CALN1: variants seen among roughly 807,000 people sequenced by gnomAD.
CALN1 encodes calneuron 1.
Under a neutral mutation model 30.6 loss-of-function variants are expected in CALN1, and 17 were observed. The ratio of observed to expected loss-of-function variants is 0.56; its 90% CI spans 0.38 to 0.83. CALN1 has a LOEUF of 0.83. Among genes scored for constraint, CALN1 ranks in the 40% least tolerant of loss-of-function variants. CALN1 has a pLI of 0.00. For missense variants in CALN1, 291 were observed against 354.9 expected (o/e 0.82, Z 1.45); for synonymous variants, 156 against 131.4 (o/e 1.19, Z -1.28).
chr7:72,146,576 C>T (rs1786747607), intron 3 of CALN1, among the ~76,000 whole-genome samples: 2 of 152,160 alleles, frequency 1.3e-5, no homozygotes, highest in African/African-American at 4.8e-5. Context: ...CCATCCCCAT[C>T]AAGCTACTAA....
At chr7:71,796,093 G>A (rs910913869) in intron 6 of CALN1, among the ~76,000 whole-genome samples, 2 of 151,890 alleles carry the variant, frequency 1.3e-5, no homozygotes, top group Non-Finnish European at 2.9e-5. Flanking sequence ...CCAAAGTGCT[G>A]GGATTACAGG....
intron 4 of CALN1, among the ~76,000 whole-genome samples, chr7:72,038,269 C>T (rs1801922525): frequency 6.6e-6 from 1 of 152,160 alleles, no homozygotes; most frequent in African/African-American, 2.4e-5. Context: ...CTTTACCCCA[C>T]CCCCAAAGCT....
At chr7:72,000,081 G>A (rs1052976775) in intron 5 of CALN1, among the ~76,000 whole-genome samples, 3 of 151,998 alleles carry the variant, frequency 2.0e-5, no homozygotes, top group African/African-American at 7.2e-5. Flanking sequence ...AGCGTGGAAT[G>A]TCAATCAATA....
upstream of CALN1, chr7:72,447,096 A>C (rs1041946326): frequency 1.2e-5 from 2 of 161,730 alleles, no homozygotes; most frequent in Non-Finnish European, 2.8e-5. Context: ...AGTTAAGGAG[A>C]ATCTCTAAGC....
At chr7:72,340,850 A>G (rs535463796) in intron 2 of CALN1, among the ~76,000 whole-genome samples, 3 of 152,286 alleles carry the variant, frequency 2.0e-5, no homozygotes, top group African/African-American at 7.2e-5. Context: ...TGATGGTTTT[A>G]TAAGGGGAAA....
chr7:72,379,381 T>C (rs1205691377), intron 2 of CALN1, among the ~76,000 whole-genome samples: 1 of 152,246 alleles, frequency 6.6e-6, no homozygotes, highest in African/African-American at 2.4e-5. Context: ...ATCCAATTAA[T>C]GGCAATGGTA....
At chr7:72,117,083 C>A (rs1338607849) in intron 3 of CALN1, among the ~76,000 whole-genome samples, 1 of 151,922 alleles carries the variant, frequency 6.6e-6, no homozygotes, top group East Asian at 1.9e-4. Context: ...GAGGCCAAGA[C>A]AGGAGGATCA....
chr7:72,216,515 G>C (rs1792827587), intron 3 of CALN1, among the ~76,000 whole-genome samples: 2 of 152,112 alleles, frequency 1.3e-5, no homozygotes, highest in South Asian at 4.1e-4. Context: ...GTATCATAGG[G>C]TGCATCCCAA....
intron 2 of CALN1, among the ~76,000 whole-genome samples, chr7:72,395,376 C>CACACACACAT (rs759811191): frequency 6.6e-6 from 1 of 151,890 alleles, no homozygotes. Context: ...CACACACACA[C>CACACACACAT]ATATCCAGGG....
At chr7:71,891,647 A>G (rs942808012) in intron 5 of CALN1, among the ~76,000 whole-genome samples, 1 of 152,234 alleles carries the variant, frequency 6.6e-6, no homozygotes, top group African/African-American at 2.4e-5. Flanking sequence ...TTCCTAGCAT[A>G]TAACAAGTGC....
At chr7:72,227,547 A>G (rs1793774116) in intron 3 of CALN1, among the ~76,000 whole-genome samples, 1 of 33,612 alleles carries the variant, frequency 3.0e-5, no homozygotes, top group Admixed American at 2.6e-4. Context: ...CTCAAAAAAA[A>G]AAGAAAAAAA....
chr7:72,190,748 G>A (rs1245382503), intron 3 of CALN1, among the ~76,000 whole-genome samples: 1 of 152,204 alleles, frequency 6.6e-6, no homozygotes, highest in Non-Finnish European at 1.5e-5. Flanking sequence ...GATGCCTCCT[G>A]GGAGAGGTTA....
At chr7:72,367,545 G>T (rs113147986) in intron 2 of CALN1, among the ~76,000 whole-genome samples, 3 of 152,080 alleles carry the variant, frequency 2.0e-5, no homozygotes, top group African/African-American at 4.8e-5. Flanking sequence ...GGATGGCTTG[G>T]GCACAGTATT....
intron 3 of CALN1, among the ~76,000 whole-genome samples, chr7:72,232,290 T>C (rs1323810267): frequency 6.6e-6 from 1 of 152,156 alleles, no homozygotes; most frequent in Non-Finnish European, 1.5e-5. Context: ...AAGCCAAAAG[T>C]AATCCAGGTC....
intron 3 of CALN1, among the ~76,000 whole-genome samples, chr7:72,184,026 AG>A (rs992779505): frequency 6.6e-6 from 1 of 152,148 alleles, no homozygotes; most frequent in African/African-American, 2.4e-5. Flanking sequence ...CTCAACCAGC[AG>A]GGGGCATCCC....
chr7:71,962,684 G>A (rs1797308744), intron 5 of CALN1, among the ~76,000 whole-genome samples: 1 of 152,164 alleles, frequency 6.6e-6, no homozygotes, highest in African/African-American at 2.4e-5. Context: ...ATTCCACTTT[G>A]GGTGCCGTGA....
chr7:72,413,225 ATATACACT>A (rs1207584895), upstream of CALN1, among the ~76,000 whole-genome samples: 3 of 148,638 alleles, frequency 2.0e-5, no homozygotes, highest in Admixed American at 7.7e-5. Context: ...TCATACACAC[ATATACACT>A]CACACACACC....
At chr7:72,282,739 A>T (rs1024644878) in intron 2 of CALN1, among the ~76,000 whole-genome samples, 2 of 152,196 alleles carry the variant, frequency 1.3e-5, no homozygotes, top group Non-Finnish European at 2.9e-5. Flanking sequence ...CAGCAGTAGA[A>T]ACTAAAGCAG....
chr7:71,953,249 C>T (rs950351725), intron 5 of CALN1, among the ~76,000 whole-genome samples: 1 of 152,108 alleles, frequency 6.6e-6, no homozygotes, highest in Non-Finnish European at 1.5e-5. Context: ...TGAGCCACCA[C>T]AGCTGCCTCA....
Sources: allele counts gnomAD v4.1 joint callset (sites outside exome capture counted in the v4.1 genomes callset), GRCh38; gene constraint gnomAD v4.1.1; transcripts MANE v1.5; gene names NCBI Gene and HGNC (gene_info 2026-07-23, HGNC 2026-07-21).